The following USP15 variants were observed in gnomAD, a reference collection of about 807,000 sequenced individuals.
The protein encoded by USP15 is ubiquitin carboxyl-terminal hydrolase 15.
Under a neutral mutation model 127.1 loss-of-function variants are expected in USP15, and 18 were observed. The observed-to-expected ratio is 0.14, with a 90% CI of 0.10 to 0.21. The LOEUF (loss-of-function observed/expected upper bound fraction) is 0.21. USP15 is among the 10% of genes least tolerant of loss of function. The probability of loss-of-function intolerance (pLI) is 1.00; values close to 1 mark genes in which losing one functional copy is unlikely to be tolerated. For missense variants in USP15, 805 were observed against 1,159.9 expected (o/e 0.69, Z 4.44); for synonymous variants, 364 against 393.7 (o/e 0.92, Z 0.89).
At chr12:62,260,910 G>A (rs1042185469) in intron 1 of USP15, among the ~76,000 whole-genome samples, 1 of 152,100 alleles carries the variant, frequency 6.6e-6, no homozygotes, top group Non-Finnish European at 1.5e-5. Context: ...TTACTTCTCT[G>A]TTCATTTCCT....
chr12:62,279,773 G>A (rs912991886), intron 1 of USP15, among the ~76,000 whole-genome samples: 2 of 152,142 alleles, frequency 1.3e-5, no homozygotes, highest in African/African-American at 4.8e-5. Flanking sequence ...TGTATAATAA[G>A]ATAGAGCTGT....
intron 9 of USP15, among the ~76,000 whole-genome samples, chr12:62,382,976 A>G (rs935121600): frequency 2.0e-5 from 3 of 151,974 alleles, no homozygotes; most frequent in African/African-American, 2.4e-5. Flanking sequence ...ATAGTGAAAC[A>G]ACAATTAATG....
chr12:62,277,312 T>C (rs1045440967), intron 1 of USP15, among the ~76,000 whole-genome samples: 3 of 152,196 alleles, frequency 2.0e-5, no homozygotes, highest in Admixed American at 1.3e-4. Flanking sequence ...TTTATTATCT[T>C]CTTTAAAACA....
chr12:62,360,207 A>G (rs768827526), intron 8 of USP15, among the ~76,000 whole-genome samples: 1 of 152,112 alleles, frequency 6.6e-6, no homozygotes, highest in Non-Finnish European at 1.5e-5. Context: ...CTTGGACATA[A>G]TAGAGCTCCT....
chr12:62,338,568 T>C (rs780922129), intron 6 of USP15, among the ~76,000 whole-genome samples: 6 of 152,208 alleles, frequency 3.9e-5, no homozygotes, highest in Non-Finnish European at 7.3e-5. Context: ...GTGTCCTGAA[T>C]GGTATTGCCT....
intron 21 of USP15, among the ~76,000 whole-genome samples, chr12:62,402,497 A>T (rs2067724478): frequency 6.6e-6 from 1 of 152,072 alleles, no homozygotes. Context: ...TGTGGTAAAG[A>T]TGATGTCTGA....
intron 4 of USP15, among the ~76,000 whole-genome samples, chr12:62,321,066 A>C (rs1393197514): frequency 1.3e-5 from 2 of 152,076 alleles, no homozygotes; most frequent in Admixed American, 6.6e-5. Flanking sequence ...TGTGGTACTT[A>C]AAAAATTTTG....
In USP15 at chr12:62,391,909, A is replaced by G. The variant is rs769000386; in HGVS notation, c.2304+23A>G. The G allele has an allele frequency of 5.7e-6, 9 of 1,583,356 alleles. No homozygotes were observed. The Admixed American group carries it at 1.6e-4, about 28-fold the overall frequency. ...GAGGTAAGTCATCACTCACTCACTT[A>G]TTTACCTTTCCTTGATTTACTTTAT... is the stretch of plus-strand genomic sequence containing the variant. On this transcript the variant is annotated intron_variant, in intron 17 of 21. Transcript: ENST00000280377.
chr12:62,293,061 G>A (rs945294008), intron 1 of USP15, among the ~76,000 whole-genome samples: 6 of 152,224 alleles, frequency 3.9e-5, no homozygotes, highest in South Asian at 2.1e-4. Context: ...GCAACCCAGC[G>A]TGAGCTTGCA....
At chr12:62,328,437 T>C (rs987525411) in intron 6 of USP15, 21 of 269,916 alleles carry the variant, frequency 7.8e-5, no homozygotes, top group African/African-American at 4.7e-4. Flanking sequence ...ATTTGGCCTG[T>C]GAGCCATAAA....
chr12:62,267,341 C>T (rs1381693871), intron 1 of USP15: 1 of 152,074 alleles, frequency 6.6e-6, no homozygotes, highest in African/African-American at 2.4e-5. Flanking sequence ...AGTAAGTAGC[C>T]TCAGTTTTGG....
intron 6 of USP15, among the ~76,000 whole-genome samples, chr12:62,346,891 G>T (rs1300687117): frequency 6.6e-6 from 1 of 152,092 alleles, no homozygotes; most frequent in African/African-American, 2.4e-5. Context: ...GTTTCTACAT[G>T]ATTTCTACAT....
Position 62,409,054 on chromosome 12 carries a change from CAA to C in USP15, c.*4680_*4681del, listed in dbSNP as rs1167494393. The C allele has an allele frequency of 6.6e-6, 1 of 151,562 alleles. No homozygotes were observed. The highest frequency in any genetic ancestry group is 1.9e-4 in the East Asian group (1 of 5,196). 9.4% of individuals were successfully genotyped at this position (151,562 alleles called of 1,614,324 possible). Reference sequence around the variant, plus strand: ...AGATGGTAAAAATTCAAATATTTATCAAGACTTTTTTCTTCACTAATGATGGG... The same window carrying C: ...AGATGGTAAAAATTCAAATATTTATCGACTTTTTTCTTCACTAATGATGGG... On this transcript the variant is annotated 3_prime_UTR_variant, in exon 22 of 22. Coordinates refer to ENST00000280377, the MANE Select transcript of USP15 (RefSeq NM_001252078.2).
At chr12:62,281,440 A>G (rs989456993) in intron 1 of USP15, among the ~76,000 whole-genome samples, 1 of 152,126 alleles carries the variant, frequency 6.6e-6, no homozygotes, top group African/African-American at 2.4e-5. Context: ...GGGTTCAAGC[A>G]ATTCTTGTGC....
At chr12:62,314,983 A>G (rs112271481) in intron 4 of USP15, 67 bp downstream of exon 4, 3 of 1,375,944 alleles carry the variant, frequency 2.2e-6, no homozygotes, top group Non-Finnish European at 2.9e-6. Context: ...TTATCTTTGT[A>G]TATGCTACTT....
intron 8 of USP15, among the ~76,000 whole-genome samples, chr12:62,368,092 G>T (rs1461276899): frequency 6.6e-6 from 1 of 152,176 alleles, no homozygotes; most frequent in Non-Finnish European, 1.5e-5. Context: ...GGAGCAGGTT[G>T]TTCAGTTTCC....
rs776976049 is a variant in USP15, at chr12:62,384,230, A to G, written c.1401A>G (p.Pro467=). The G allele has an allele frequency of 1.9e-6, 3 of 1,612,262 alleles. No homozygotes were observed. Among genetic ancestry groups the G allele is most frequent in the African/African-American group, 2.7e-5 (2 of 74,804 alleles). Residue 467 remains proline (P), a synonymous_variant, in exon 11 of 22, where the codon CCA becomes CCG. Transcript: ENST00000280377. ...ATCCTTTTTGTTACTTGACACTTCC[A>G]TTGCCCATGAAAAAAGAACGCACCT... ...TFDPFCYLTL[P]LPMKKERTLE...
At chr12:62,384,787 G>C (rs189409547) in intron 11 of USP15, among the ~76,000 whole-genome samples, 1 of 151,614 alleles carries the variant, frequency 6.6e-6, no homozygotes, top group South Asian at 2.1e-4. Flanking sequence ...AAAATATTTT[G>C]TTCAGTGATG....
At chr12:62,344,158 C>T (rs549999423) in intron 6 of USP15, among the ~76,000 whole-genome samples, 2 of 152,294 alleles carry the variant, frequency 1.3e-5, no homozygotes, top group South Asian at 2.1e-4. Context: ...AGTCCAGTGT[C>T]TCATTCAAGA....
Sources: allele counts gnomAD v4.1 joint callset (sites outside exome capture counted in the v4.1 genomes callset), GRCh38; gene constraint gnomAD v4.1.1; transcripts MANE v1.5; gene names NCBI Gene and HGNC (gene_info 2026-07-23, HGNC 2026-07-21).